Variants in IMMP2L observed in about 807,000 individuals in gnomAD.
The protein encoded by IMMP2L is mitochondrial inner membrane protease subunit 2.
IMMP2L carries 18 observed loss-of-function variants against 19.3 expected under a neutral mutation model. That is an observed-to-expected ratio of 0.93 (90% confidence interval 0.64 to 1.38). The LOEUF (loss-of-function observed/expected upper bound fraction) is 1.38. IMMP2L is among the 40% of genes most tolerant of loss of function. The pLI is 0.00. For missense variants in IMMP2L, 233 were observed against 218.2 expected, an observed-to-expected ratio of 1.07 and a Z score of -0.43; for synonymous variants, 76 against 73.0, an observed-to-expected ratio of 1.04 and a Z score of -0.21.
intron 5 of IMMP2L, among the ~76,000 whole-genome samples, chr7:110,768,103 A>C (rs2131005747): frequency 6.6e-6 from 1 of 152,266 alleles, no homozygotes; most frequent in South Asian, 2.1e-4. Flanking sequence ...CTGTAACTAA[A>C]ACAGATAAGA....
At chr7:111,516,685 A>C (rs1845897191) in intron 2 of IMMP2L, among the ~76,000 whole-genome samples, 1 of 152,156 alleles carries the variant, frequency 6.6e-6, no homozygotes, top group African/African-American at 2.4e-5. Context: ...GTTTGTTGCT[A>C]TAAATACAAA....
At chr7:111,038,309 G>C (rs1282510154) in intron 3 of IMMP2L, among the ~76,000 whole-genome samples, 6 of 152,282 alleles carry the variant, frequency 3.9e-5, no homozygotes, top group Admixed American at 3.3e-4. Context: ...TTGGTGGCTA[G>C]TTAATTGGAA....
intron 2 of IMMP2L, among the ~76,000 whole-genome samples, chr7:111,503,163 C>T (rs1844485912): frequency 1.3e-5 from 2 of 152,062 alleles, no homozygotes; most frequent in South Asian, 4.1e-4. Context: ...CACAGAAATA[C>T]AAACTACCAT....
intron 5 of IMMP2L, among the ~76,000 whole-genome samples, chr7:110,839,679 G>A (rs1008943834): frequency 1.3e-5 from 2 of 152,028 alleles, no homozygotes; most frequent in Non-Finnish European, 2.9e-5. Flanking sequence ...GGCTATGTAT[G>A]TGTTCCTATA....
chr7:111,168,932 G>A (rs896796747), intron 3 of IMMP2L, among the ~76,000 whole-genome samples: 1 of 151,668 alleles, frequency 6.6e-6, no homozygotes, highest in Admixed American at 6.6e-5. Context: ...TCAGTCTGGA[G>A]GCCCAAAAAC....
intron 5 of IMMP2L, among the ~76,000 whole-genome samples, chr7:110,863,050 T>C (rs903721617): frequency 2.0e-5 from 3 of 152,086 alleles, no homozygotes; most frequent in African/African-American, 7.2e-5. Context: ...GCTGTTGCTA[T>C]GAGTAATAAA....
At chr7:111,323,755 T>C (rs1825007978) in intron 3 of IMMP2L, among the ~76,000 whole-genome samples, 1 of 152,088 alleles carries the variant, frequency 6.6e-6, no homozygotes. Flanking sequence ...TGTCCAACAA[T>C]GATAGACTGG....
intron 1 of IMMP2L, among the ~76,000 whole-genome samples, chr7:111,547,297 T>C (rs1193742761): frequency 6.6e-6 from 1 of 152,150 alleles, no homozygotes; most frequent in African/African-American, 2.4e-5. Flanking sequence ...CTTCCTTAAC[T>C]GAGGGCTTGG....
At chr7:111,082,151 C>T (rs1367920723) in intron 3 of IMMP2L, among the ~76,000 whole-genome samples, 1 of 152,148 alleles carries the variant, frequency 6.6e-6, no homozygotes, top group African/African-American at 2.4e-5. Flanking sequence ...TTTATTGGCA[C>T]AGGGATAGCA....
chr7:111,047,664 T>C (rs936549185), intron 3 of IMMP2L, among the ~76,000 whole-genome samples: 4 of 152,168 alleles, frequency 2.6e-5, no homozygotes, highest in Non-Finnish European at 5.9e-5. Flanking sequence ...ATTATGTGTC[T>C]TCTTAGAAAT....
intron 1 of IMMP2L, among the ~76,000 whole-genome samples, chr7:111,528,882 T>A (rs1349000381): frequency 6.6e-6 from 1 of 152,100 alleles, no homozygotes; most frequent in Admixed American, 6.5e-5. Context: ...GAGGAAACCA[T>A]CAAACTATGA....
At chr7:111,408,830 A>G (rs1168191663) in intron 3 of IMMP2L, among the ~76,000 whole-genome samples, 5 of 151,768 alleles carry the variant, frequency 3.3e-5, no homozygotes, top group African/African-American at 7.3e-5. Context: ...ATTTGACAAC[A>G]ATGTATTTTA....
At chr7:111,195,255 C>T (rs139229694) in intron 3 of IMMP2L, among the ~76,000 whole-genome samples, 257 of 152,046 alleles carry the variant, frequency 1.7e-3, no homozygotes, top group African/African-American at 5.1e-3. Context: ...ACAGTAGAAA[C>T]CTAAATCCCA....
At chr7:110,776,324 G>T (rs1799386267) in intron 5 of IMMP2L, among the ~76,000 whole-genome samples, 1 of 152,022 alleles carries the variant, frequency 6.6e-6, no homozygotes, top group Admixed American at 6.6e-5. Context: ...ATAAAAATGA[G>T]TGGTATTTAA....
At chr7:111,008,737 C>T (rs534326937) in intron 3 of IMMP2L, among the ~76,000 whole-genome samples, 29 of 151,994 alleles carry the variant, frequency 1.9e-4, no homozygotes, top group Admixed American at 4.6e-4. Context: ...TACTATGTGG[C>T]ACATAGTCGA....
intron 3 of IMMP2L, among the ~76,000 whole-genome samples, chr7:110,999,412 T>A (rs931941553): frequency 6.6e-6 from 1 of 151,728 alleles, no homozygotes; most frequent in East Asian, 1.9e-4. Flanking sequence ...TTTTTTTCTG[T>A]TTGTCTTCTT....
intron 4 of IMMP2L, among the ~76,000 whole-genome samples, chr7:110,909,827 C>G (rs1442010288): frequency 6.6e-6 from 1 of 151,888 alleles, no homozygotes; most frequent in Admixed American, 6.6e-5. Context: ...TATCTGTACT[C>G]TCCAAGAGAA....
rs1563003994 is a variant in IMMP2L, at chr7:111,281,142, GAAAGACAGAAAGACAGAAAGAA to G, written c.239+206074_239+206095del. On this transcript the variant is annotated intron_variant, in intron 3 of 5. Coordinates refer to ENST00000405709, the MANE Select transcript of IMMP2L (RefSeq NM_032549.4). ...AGAAAGAGAGAAAGAGAGAAAGACA[GAAAGACAGAAAGACAGAAAGAA>G]AGAAAGAAAGAAAGAAAGAAAGAAA... Among the ~76,000 whole-genome samples, 8 of 85,008 alleles carry G rather than the reference GAAAGACAGAAAGACAGAAAGAA, an allele frequency of 9.4e-5. No individual in the cohort carries two copies. The East Asian group carries it at 2.6e-3, about 27-fold the overall frequency. The allele number at this position is 85,008 out of a possible 152,430, so 55.8% of individuals were successfully genotyped here. A position where few individuals can be genotyped will look rare whatever the true frequency, so the allele number is the denominator to read the frequency against.
intron 5 of IMMP2L, among the ~76,000 whole-genome samples, chr7:110,849,941 A>G (rs953665161): frequency 1.3e-5 from 2 of 152,108 alleles, no homozygotes; most frequent in African/African-American, 4.8e-5. Context: ...ATATGTTTCA[A>G]GTGGTCTTAG....
Sources: allele counts gnomAD v4.1 joint callset (sites outside exome capture counted in the v4.1 genomes callset), GRCh38; gene constraint gnomAD v4.1.1; transcripts MANE v1.5; gene names NCBI Gene and HGNC (gene_info 2026-07-23, HGNC 2026-07-21).